LINGO2: variants seen among roughly 807,000 people sequenced by gnomAD.
LINGO2 encodes the protein leucine rich repeat and Ig domain containing 2, also known as leucine-rich repeat and immunoglobulin-like domain-containing nogo receptor-interacting protein 2.
In LINGO2, 14 loss-of-function variants were observed where a neutral mutation model predicts 30.6. That is an observed-to-expected ratio of 0.46 (90% CI 0.30 to 0.72). The LOEUF is 0.72. Ranked by LOEUF, LINGO2 falls within the 30% of genes least tolerant of loss-of-function variation. The pLI is 0.07. For synonymous variants in LINGO2, 317 were observed against 288.5 expected (o/e 1.10, Z -1.00); for missense variants, 729 against 751.7 (o/e 0.97, Z 0.35).
the LINGO2 span, among the ~76,000 whole-genome samples, chr9:28,916,518 C>G: frequency 6.6e-6 from 1 of 152,190 alleles, no homozygotes; most frequent in Non-Finnish European, 1.5e-5. Flanking sequence ...TGACTCTAGT[C>G]TTTAGATAAA....
the LINGO2 span, among the ~76,000 whole-genome samples, chr9:28,919,666 A>G: frequency 3.3e-5 from 5 of 152,162 alleles, no homozygotes; most frequent in African/African-American, 1.2e-4. Context: ...GTACACTGCA[A>G]AAGATTATAT....
chr9:28,503,681 A>G (rs917505721), intron 1 of LINGO2, among the ~76,000 whole-genome samples: 3 of 152,128 alleles, frequency 2.0e-5, no homozygotes, highest in African/African-American at 7.2e-5. Context: ...GTTAGACATT[A>G]TTCTTTGAAA....
intron 1 of LINGO2, among the ~76,000 whole-genome samples, chr9:28,560,386 C>A (rs1340777160): frequency 6.6e-6 from 1 of 152,062 alleles, no homozygotes; most frequent in Non-Finnish European, 1.5e-5. Context: ...AAGAGAAATT[C>A]TTCAGGCTAT....
intron 1 of LINGO2, among the ~76,000 whole-genome samples, chr9:28,495,396 A>G (rs1353377911): frequency 6.6e-6 from 1 of 152,196 alleles, no homozygotes; most frequent in Non-Finnish European, 1.5e-5. Context: ...CTTTCGTATA[A>G]GGTATAAGGA....
intron 4 of LINGO2, chr9:28,149,018 G>A: frequency 1.3e-6 from 2 of 1,534,184 alleles, no homozygotes; most frequent in South Asian, 2.4e-5. Flanking sequence ...ACTGAGGTGG[G>A]ATAGAGACGA....
chr9:29,027,218 C>T, the LINGO2 span, among the ~76,000 whole-genome samples: 2 of 151,724 alleles, frequency 1.3e-5, no homozygotes, highest in African/African-American at 4.8e-5. Context: ...AAGTTGAGGC[C>T]GAGATTTTAT....
the LINGO2 span, among the ~76,000 whole-genome samples, chr9:29,093,933 A>G: frequency 7.2e-6 from 1 of 138,560 alleles, no homozygotes; most frequent in Non-Finnish European, 1.6e-5. Flanking sequence ...AGTTATATCC[A>G]AATTTGACAA....
At chr9:28,740,439 A>G in the LINGO2 span, among the ~76,000 whole-genome samples, 1 of 151,892 alleles carries the variant, frequency 6.6e-6, no homozygotes, top group Non-Finnish European at 1.5e-5. Flanking sequence ...GTTGACAGAA[A>G]CATATCTTCC....
At chr9:28,250,212 A>G (rs1050040420) in intron 4 of LINGO2, among the ~76,000 whole-genome samples, 61 of 152,178 alleles carry the variant, frequency 4.0e-4, no homozygotes, top group African/African-American at 1.4e-3. Context: ...GACTTATGCC[A>G]CTATTTTCAA....
chr9:28,938,550 C>T, the LINGO2 span, among the ~76,000 whole-genome samples: 2 of 152,098 alleles, frequency 1.3e-5, no homozygotes, highest in African/African-American at 2.4e-5. Context: ...AATTTCCTAT[C>T]GCCTAGTGAC....
chr9:28,428,610 G>A (rs1823515704), intron 2 of LINGO2, among the ~76,000 whole-genome samples: 1 of 148,254 alleles, frequency 6.7e-6, no homozygotes, highest in Non-Finnish European at 1.5e-5. Flanking sequence ...AAAAATGGGT[G>A]ATTTACTTAG....
At chr9:28,349,973 C>G (rs1037804048) in intron 3 of LINGO2, among the ~76,000 whole-genome samples, 31 of 152,222 alleles carry the variant, frequency 2.0e-4, no homozygotes, top group African/African-American at 7.2e-4. Flanking sequence ...ACCACCAGGC[C>G]TACCTTAAAA....
At chr9:28,166,156 A>C (rs1292001463) in intron 4 of LINGO2, among the ~76,000 whole-genome samples, 1 of 152,240 alleles carries the variant, frequency 6.6e-6, no homozygotes, top group Admixed American at 6.5e-5. Context: ...TGCTAGGTAC[A>C]GAGCATATAA....
At chr9:28,577,050 C>A (rs1421469301) in intron 1 of LINGO2, among the ~76,000 whole-genome samples, 1 of 152,138 alleles carries the variant, frequency 6.6e-6, no homozygotes, top group African/African-American at 2.4e-5. Context: ...GGGCTTGGGC[C>A]AAGCTAACTT....
Position 28,004,510 on chromosome 9 carries a change from G to A in LINGO2, c.-36+7845C>T, listed in dbSNP as rs561694418. 2.6e-5 allele frequency among the ~76,000 whole-genome samples: 4 copies of A among 152,118 alleles called. No homozygotes were observed. In the South Asian group the frequency reaches 8.3e-4, roughly 32 times the overall value. On this transcript the variant is annotated intron_variant, in intron 5 of 5. Coordinates refer to ENST00000379992, the Ensembl canonical transcript of LINGO2. Reference sequence around the variant, plus strand: ...AAATGTAAGCCAGTTTGTCACATAGGTTCTGACACTTATGAGTCATTTAGT... The same window carrying A: ...AAATGTAAGCCAGTTTGTCACATAGATTCTGACACTTATGAGTCATTTAGT...
chr9:28,289,097 T>A (rs1280694172), intron 4 of LINGO2, among the ~76,000 whole-genome samples: 1 of 152,188 alleles, frequency 6.6e-6, no homozygotes, highest in Non-Finnish European at 1.5e-5. Context: ...ATAGTTTTGT[T>A]ATAAACTTCT....
chr9:28,742,810 T>G, the LINGO2 span, among the ~76,000 whole-genome samples: 6 of 150,698 alleles, frequency 4.0e-5, no homozygotes, highest in African/African-American at 1.5e-4. Context: ...TCAAATTTTC[T>G]TACTCAAACA....
At chr9:29,007,587 C>CAGAA in the LINGO2 span, among the ~76,000 whole-genome samples, 1 of 152,096 alleles carries the variant, frequency 6.6e-6, no homozygotes, top group African/African-American at 2.4e-5. Context: ...GTGGCTAGGA[C>CAGAA]AGAAAGACAG....
chr9:29,158,410 G>A, the LINGO2 span, among the ~76,000 whole-genome samples: 14 of 152,044 alleles, frequency 9.2e-5, no homozygotes, highest in Admixed American at 9.2e-4. Context: ...TATAACTTTA[G>A]TGATACTCAT....
Sources: gnomAD v4.1 joint callset for allele counts (sites outside exome capture counted in the v4.1 genomes callset) on GRCh38, gnomAD v4.1.1 for gene constraint, MANE v1.5 for transcripts, NCBI Gene and HGNC (gene_info 2026-07-23, HGNC 2026-07-21) for gene names.